Variants in EPAS1 observed in about 807,000 individuals in gnomAD.
The protein encoded by EPAS1 is endothelial PAS domain protein 1.
EPAS1 carries 23 observed loss-of-function variants against 87.9 expected under a neutral mutation model. The ratio of observed to expected loss-of-function variants is 0.26; its 90% CI spans 0.19 to 0.37. EPAS1 has a LOEUF of 0.37. Ranked by LOEUF, EPAS1 falls within the 10% of genes least tolerant of loss-of-function variation. The pLI, the probability that EPAS1 is intolerant of heterozygous loss-of-function variation, is 1.00. For missense variants in EPAS1, 1,138 were observed against 1,120.7 expected, an observed-to-expected ratio of 1.02 and a Z score of -0.22; for synonymous variants, 508 against 444.3, an observed-to-expected ratio of 1.14 and a Z score of -1.80.
Position 46,376,962 on chromosome 2 carries a change from G to A in EPAS1, c.1249+209G>A, listed in dbSNP as rs112940952. ...GCCCTGATAAGACCATCCCATATCC[G>A]ACCTCACCAAGTGCTGTACGAGGAG... On this transcript the variant is annotated intron_variant, in intron 9 of 15. Coordinates refer to ENST00000263734, the MANE Select transcript of EPAS1 (RefSeq NM_001430.5). 1.9e-3 allele frequency among the ~76,000 whole-genome samples: 289 copies of A among 152,190 alleles called. 2 individuals are homozygous for A. Among genetic ancestry groups the A allele is most frequent in the Middle Eastern group, 0.017 (5 of 294 alleles).
chr2:46,302,827 A>ATG (rs1317813403), intron 1 of EPAS1, among the ~76,000 whole-genome samples: 1 of 151,934 alleles, frequency 6.6e-6, no homozygotes, highest in Non-Finnish European at 1.5e-5. Context: ...TAATCCCAGC[A>ATG]CTTTGAGAGG....
In EPAS1 at chr2:46,381,055, T is replaced by C. The variant is rs1684878752; in HGVS notation, c.2045+338T>C. Reference sequence around the variant, plus strand: ...AAAATTGAGTGATGATTTTCCCTGGTTGAAAACAGCAAAAAGATACCCCTG... The same window carrying C: ...AAAATTGAGTGATGATTTTCCCTGGCTGAAAACAGCAAAAAGATACCCCTG... On this transcript the variant is annotated intron_variant, in intron 12 of 15. Transcript: ENST00000263734. The C allele has an allele frequency of 7.4e-6, 3 of 404,986 alleles. No individual in the cohort carries two copies. The Admixed American group carries it at 1.2e-4, about 16-fold the overall frequency. 25.1% of individuals were successfully genotyped at this position (404,986 alleles called of 1,614,324 possible).
chr2:46,376,090 C>A, intron 8 of EPAS1, among the ~76,000 whole-genome samples: 1 of 151,988 alleles, frequency 6.6e-6, no homozygotes, highest in East Asian at 1.9e-4. Context: ...TGCATCTGAC[C>A]CAGGTGGGGA....
chr2:46,363,168 T>A (rs887117622), intron 6 of EPAS1, among the ~76,000 whole-genome samples: 7 of 152,204 alleles, frequency 4.6e-5, no homozygotes, highest in African/African-American at 1.7e-4. Context: ...ACCTCAGTAG[T>A]CTTGTGAGAT....
At chr2:46,361,448 T>A (rs375640740) in intron 6 of EPAS1, among the ~76,000 whole-genome samples, 2 of 152,216 alleles carry the variant, frequency 1.3e-5, no homozygotes, top group Non-Finnish European at 2.9e-5. Flanking sequence ...CCATCTGTAC[T>A]CCTGCTTCAG....
chr2:46,378,018 C>T lies in EPAS1; in HGVS notation c.1374C>T (p.Thr458=), dbSNP rs546254328. The part of the protein sequence containing the change: ...QSEAGSLPAF[T]VPQAAAPGST... Reference sequence around the variant, plus strand: ...AGGCTGGGAGCCTGCCTGCCTTCACCGTGCCCCAGGCAGCTGCCCCGGGCA... The same window carrying T: ...AGGCTGGGAGCCTGCCTGCCTTCACTGTGCCCCAGGCAGCTGCCCCGGGCA... Residue 458 remains threonine (T), a synonymous_variant, in exon 10 of 16, where the codon ACC becomes ACT. Transcript: ENST00000263734. 31 of 1,601,872 alleles carry T rather than the reference C, an allele frequency of 1.9e-5. 1 individual carries two copies. The highest frequency in any genetic ancestry group is 6.7e-5 in the African/African-American group (5 of 74,748).
chr2:46,362,977 A>AGTGGTAGTG (rs1684428139), intron 6 of EPAS1, among the ~76,000 whole-genome samples: 2 of 104,338 alleles, frequency 1.9e-5, no homozygotes, highest in Non-Finnish European at 3.9e-5. Context: ...TGGTGGTGGT[A>AGTGGTAGTG]GTGGTGGTGG....
At chr2:46,320,773 G>A (rs1338801862) in intron 1 of EPAS1, among the ~76,000 whole-genome samples, 1 of 152,224 alleles carries the variant, frequency 6.6e-6, no homozygotes, top group Non-Finnish European at 1.5e-5. Flanking sequence ...TTAACTTTGT[G>A]TGAGAGTTTA....
chr2:46,336,246 G>C (rs1359585728), intron 1 of EPAS1, among the ~76,000 whole-genome samples: 1 of 152,172 alleles, frequency 6.6e-6, no homozygotes, highest in Non-Finnish European at 1.5e-5. Flanking sequence ...CCCTAGCCCA[G>C]GTTCCACTGA....
At chr2:46,340,655 G>C (rs368249536) in intron 1 of EPAS1, among the ~76,000 whole-genome samples, 18 of 152,186 alleles carry the variant, frequency 1.2e-4, no homozygotes, top group African/African-American at 4.3e-4. Context: ...TTTTTCTCTT[G>C]TCAAAGTCTG....
At chr2:46,356,051 C>A in intron 2 of EPAS1, 100 bp from the exon 3 acceptor site, 3 of 1,339,430 alleles carry the variant, frequency 2.2e-6, no homozygotes, top group Non-Finnish European at 3.2e-6. Flanking sequence ...AAAGTCCACC[C>A]AATGCCTTTG....
intron 1 of EPAS1, 139 bp downstream of exon 1, chr2:46,298,076 G>A (rs1330361192): frequency 4.6e-6 from 5 of 1,095,116 alleles, no homozygotes; most frequent in African/African-American, 3.1e-5. Flanking sequence ...AGGGCTGTGA[G>A]GGGGAGAGCA....
chr2:46,356,143 CT>C lies in EPAS1; in HGVS notation c.218-5del, dbSNP rs1553394833. 15 of 1,156,848 alleles carry C rather than the reference CT, an allele frequency of 1.3e-5. No individual in the cohort carries two copies. The highest frequency in any genetic ancestry group is 1.7e-5 in the Non-Finnish European group (14 of 809,384). The allele number at this position is 1,156,848 out of a possible 1,614,324, so 71.7% of individuals were successfully genotyped here. A position where few individuals can be genotyped will look rare whatever the true frequency, so the allele number is the denominator to read the frequency against. On this transcript the variant is annotated splice_polypyrimidine_tract_variant and splice_region_variant and intron_variant, in intron 2 of 15. Transcript: ENST00000263734. ...CATGCAAGCTGTCCCACCCCCCCCCCTTTCCAGTTTGCTCTGAAAACGAGTC... is the reference window on the plus strand; with the variant it reads ...CATGCAAGCTGTCCCACCCCCCCCCCTTCCAGTTTGCTCTGAAAACGAGTC...
chr2:46,358,014 A>G (rs1237274613), intron 4 of EPAS1, among the ~76,000 whole-genome samples: 2 of 152,196 alleles, frequency 1.3e-5, no homozygotes, highest in African/African-American at 2.4e-5. Flanking sequence ...GTGCATGTCT[A>G]GATGTCCTCT....
At position 46,381,994 on chromosome 2, in the gene EPAS1, G is replaced by A. The variant is rs1363401243; in HGVS notation, c.2192G>A (p.Ser731Asn). ...TCCCAGGGGGACCCACCTGGTGGCA[G>A]CACCTCACATTTGATGTGGAAACGG... The part of the protein sequence containing the change: ...DLSGGDPPGG[S>N]TSHLMWKRMK... The change falls in exon 14 of 16, where the codon AGC (serine) becomes AAC (asparagine). Residue 731 changes from serine (S) to asparagine (N), a missense_variant. Ser to Asn is a conservative substitution (Grantham distance 46). This residue lies in a region of EPAS1 where 502 missense variants were observed against 427.1 expected (regional missense o/e 1.18). Coordinates refer to ENST00000263734, the MANE Select transcript of EPAS1 (RefSeq NM_001430.5). 1 of 1,613,600 alleles carries A rather than the reference G, an allele frequency of 6.2e-7. No homozygotes were observed. Among genetic ancestry groups the A allele is most frequent in the Non-Finnish European group, 8.5e-7 (1 of 1,179,880 alleles).
At chr2:46,366,162 C>A (rs934407366) in intron 6 of EPAS1, among the ~76,000 whole-genome samples, 5 of 152,198 alleles carry the variant, frequency 3.3e-5, no homozygotes, top group Non-Finnish European at 7.3e-5. Context: ...CGATTACATG[C>A]GGGGAAGAAG....
In EPAS1 at chr2:46,320,200, C is replaced by G. The variant is rs1398339219; in HGVS notation, c.26+22263C>G. ...TAGGAGTAAAAGTTAAAGAGAGAAA[C>G]TAATTGTTGCCTGCTTTTCAAAGTT... is the stretch of plus-strand genomic sequence containing the variant. On this transcript the variant is annotated intron_variant, in intron 1 of 15. Transcript: ENST00000263734. Among the ~76,000 whole-genome samples the G allele has an allele frequency of 4.6e-5, 7 of 152,168 alleles. No individual in the cohort carries two copies. The East Asian group carries it at 1.3e-3, about 29-fold the overall frequency.
At chr2:46,333,229 A>C (rs1475452031) in intron 1 of EPAS1, among the ~76,000 whole-genome samples, 1 of 152,192 alleles carries the variant, frequency 6.6e-6, no homozygotes, top group Non-Finnish European at 1.5e-5. Flanking sequence ...GACTGATTTA[A>C]TCTTCATGCC....
chr2:46,358,630 A>T (rs1212685658), intron 4 of EPAS1, among the ~76,000 whole-genome samples: 1 of 152,234 alleles, frequency 6.6e-6, no homozygotes, highest in African/African-American at 2.4e-5. Flanking sequence ...GGCAAAGGCG[A>T]CAACCTTTCA....
Sources: allele counts gnomAD v4.1 joint callset (sites outside exome capture counted in the v4.1 genomes callset), GRCh38; gene constraint gnomAD v4.1.1; regional missense constraint gnomAD v4.1.1; transcripts MANE v1.5; gene names NCBI Gene and HGNC (gene_info 2026-07-23, HGNC 2026-07-21).